Variants in CLDN22 observed in about 807,000 individuals in gnomAD.
The protein encoded by CLDN22 is claudin-22.
For missense variants in CLDN22, 227 were observed against 252.2 expected (o/e 0.90, Z 0.68); for synonymous variants, 86 against 107.9 (o/e 0.80, Z 1.26).
rs1368266986 is a variant in CLDN22 at position 183,319,002 on chromosome 4, G to C, written c.*554C>G. 1 of 152,846 alleles carries C rather than the reference G, an allele frequency of 6.5e-6. No individual in the cohort carries two copies. The highest frequency in any genetic ancestry group is 6.5e-5 in the Admixed American group (1 of 15,368). The allele number at this position is 152,846 out of a possible 1,614,324, so 9.5% of individuals were successfully genotyped here. On this transcript the variant is annotated 3_prime_UTR_variant, in exon 1 of 1. Transcript: ENST00000323319. ...CCTCCTGCCTCTGACAGTATAGAAG[G>C]CGTGACTGAATGTGGCTGCCTTTTG...
chr4:183,319,434 G>T lies in CLDN22; in HGVS notation c.*122C>A. 1.9e-6 allele frequency: 2 copies of T among 1,061,016 alleles called. No individual in the cohort carries two copies. Among genetic ancestry groups the T allele is most frequent in the Non-Finnish European group, 2.7e-6 (2 of 728,262 alleles). 65.7% of individuals were successfully genotyped at this position (1,061,016 alleles called of 1,614,324 possible). A position where few individuals can be genotyped will look rare whatever the true frequency, so the allele number is the denominator to read the frequency against. ...CTTGGAAAGAAACTATAGTTTAATA[G>T]CCACAGGAAAAGATGCATTTTCAAA... On this transcript the variant is annotated 3_prime_UTR_variant, in exon 1 of 1. Transcript: ENST00000323319.
Position 183,319,544 on chromosome 4 carries a change from G to A in CLDN22, c.*12C>T, listed in dbSNP as rs752629967. On this transcript the variant is annotated 3_prime_UTR_variant, in exon 1 of 1. Transcript: ENST00000323319. ...AGCGTCTCCTGAACAGCAGACGCTT[G>A]TCCTTTCTGGCTTAGTGTTTCAGGT... 1 of 1,600,368 alleles carries A rather than the reference G, an allele frequency of 6.2e-7. No individual in the cohort carries two copies. Among genetic ancestry groups the A allele is most frequent in the Admixed American group, 1.7e-5 (1 of 58,540 alleles).
Position 183,319,869 on chromosome 4 carries a change from C to A in CLDN22, c.350G>T (p.Arg117Leu). 6.2e-7 allele frequency: 1 copy of A among 1,613,950 alleles called. No individual in the cohort carries two copies. Among genetic ancestry groups the A allele is most frequent in the African/African-American group, 1.3e-5 (1 of 75,020 alleles). Residue 117 changes from arginine (R) to leucine (L), a missense_variant, in exon 1 of 1, where the codon CGA (arginine) becomes CTA (leucine). Transcript: ENST00000323319. ...CAGAATTCCTCCCAGGATCAGCAGT[C>A]GCCTCTTGAGATCTCTCTGACTCTC... The part of the protein sequence containing the change: ...IGESQRDLKR[R>L]LLILGGILSW...
At position 183,320,166 on chromosome 4, in the gene CLDN22, A is replaced by G. The variant is rs2111142795; in HGVS notation, c.53T>C (p.Leu18Ser). ...VAQLAGVSLS[L>S]LGWVLSCLTN... Reference sequence around the variant, plus strand: ...AAGACAGGATAAAACCCATCCCAGCAAAGATAATGAAACTCCAGCTAGTTG... The same window carrying G: ...AAGACAGGATAAAACCCATCCCAGCGAAGATAATGAAACTCCAGCTAGTTG... Residue 18 changes from leucine to serine, a missense_variant, in exon 1 of 1, where the codon TTG becomes TCG. Coordinates refer to ENST00000323319, the MANE Select transcript of CLDN22 (RefSeq NM_001111319.3). 2 of 1,614,176 alleles carry G rather than the reference A, an allele frequency of 1.2e-6. No individual in the cohort carries two copies. The highest frequency in any genetic ancestry group is 1.6e-4 in the Middle Eastern group (1 of 6,062).
Sources: allele counts gnomAD v4.1 joint callset, GRCh38; gene constraint gnomAD v4.1.1; transcripts MANE v1.5; gene names NCBI Gene and HGNC (gene_info 2026-07-23, HGNC 2026-07-21).